Variants in MAP4 observed in about 807,000 individuals in gnomAD.
MAP4 encodes the protein microtubule associated protein 4.
Under a neutral mutation model 170.2 loss-of-function variants are expected in MAP4, and 76 were observed. The ratio of observed to expected loss-of-function variants is 0.45; its 90% CI spans 0.37 to 0.54. The LOEUF is 0.54. MAP4 is among the 20% of genes least tolerant of loss of function. The pLI, the probability that MAP4 is intolerant of heterozygous loss-of-function variation, is 0.00. For synonymous variants in MAP4, 909 were observed against 994.5 expected (o/e 0.91, Z 1.62); for missense variants, 2,506 against 2,748.0 (o/e 0.91, Z 1.97).
At chr3:47,996,661 C>T (rs9828277) in intron 2 of MAP4, among the ~76,000 whole-genome samples, 1 of 151,918 alleles carries the variant, frequency 6.6e-6, no homozygotes, top group Admixed American at 6.6e-5. Context: ...AGAGACATGC[C>T]TATTTCCAAC....
chr3:47,898,677 T>G (rs1265844025), intron 10 of MAP4, among the ~76,000 whole-genome samples: 1 of 152,124 alleles, frequency 6.6e-6, no homozygotes, highest in Non-Finnish European at 1.5e-5. Flanking sequence ...CTGGGCATAG[T>G]AGCCCACGCC....
chr3:48,085,687 C>T (rs539409737), intron 1 of MAP4, among the ~76,000 whole-genome samples: 15 of 151,996 alleles, frequency 9.9e-5, no homozygotes, highest in Non-Finnish European at 1.8e-4. Flanking sequence ...TCTGGGAGGC[C>T]GAGGTAGGTG....
intron 3 of MAP4, among the ~76,000 whole-genome samples, chr3:47,941,864 T>C (rs1264261423): frequency 6.6e-6 from 1 of 152,048 alleles, no homozygotes; most frequent in Non-Finnish European, 1.5e-5. Context: ...TACTTCTCAA[T>C]AAAAATATTG....
chr3:47,908,168 T>C (rs2100034111), intron 9 of MAP4, among the ~76,000 whole-genome samples: 1 of 147,432 alleles, frequency 6.8e-6, no homozygotes, highest in Non-Finnish European at 1.5e-5. Context: ...TTTTGAAAGC[T>C]AGATTCAGGG....
intron 1 of MAP4, among the ~76,000 whole-genome samples, chr3:48,000,665 G>A (rs921315565): frequency 2.0e-5 from 3 of 152,130 alleles, no homozygotes; most frequent in Admixed American, 1.3e-4. Flanking sequence ...CTAAGTGAGC[G>A]GCCTTCATCT....
chr3:47,968,311 G>A (rs1292873113), intron 3 of MAP4, among the ~76,000 whole-genome samples: 4 of 152,212 alleles, frequency 2.6e-5, no homozygotes, highest in Admixed American at 6.5e-5. Flanking sequence ...ATCAAGAGCC[G>A]AATATACATT....
rs201296820 is a variant in MAP4, at chr3:47,916,444, G to A, written c.1383C>T (p.Thr461=). The A allele has an allele frequency of 2.5e-6, 4 of 1,614,168 alleles. No homozygotes were observed. The South Asian group carries it at 4.4e-5, about 18-fold the overall frequency. Residue 461 remains threonine, a synonymous_variant, in exon 7 of 21, where the codon ACC becomes ACT. Coordinates refer to ENST00000683076, the MANE Select transcript of MAP4 (RefSeq NM_001385682.1). The part of the protein sequence containing the change: ...TLPPETNVIL[T]KDKALPLEAE... Reference sequence around the variant, plus strand: ...CTTCTAAAGGTAGTGCTTTATCCTTGGTCAAGATCACGTTGGTTTCCGGGG... The same window carrying A: ...CTTCTAAAGGTAGTGCTTTATCCTTAGTCAAGATCACGTTGGTTTCCGGGG...
intron 1 of MAP4, among the ~76,000 whole-genome samples, chr3:48,003,482 A>G (rs2100100506): frequency 6.6e-6 from 1 of 151,262 alleles, no homozygotes; most frequent in South Asian, 2.1e-4. Context: ...AACATATTAA[A>G]TTGTACAAAA....
upstream of MAP4, among the ~76,000 whole-genome samples, chr3:48,020,047 C>T (rs770698084): frequency 1.1e-4 from 17 of 152,030 alleles, no homozygotes; most frequent in Non-Finnish European, 1.8e-4. Flanking sequence ...GTTTTTGAGA[C>T]GGAGATTTTT....
At chr3:48,006,229 AC>A (rs1353932003) in intron 1 of MAP4, among the ~76,000 whole-genome samples, 1 of 131,406 alleles carries the variant, frequency 7.6e-6, no homozygotes, top group East Asian at 2.5e-4. Flanking sequence ...GAGGCCAGGT[AC>A]CCTTGAGAAA....
chr3:47,939,903 G>A (rs1030968328), intron 3 of MAP4, among the ~76,000 whole-genome samples: 1 of 151,702 alleles, frequency 6.6e-6, no homozygotes, highest in Admixed American at 6.6e-5. Context: ...GAGTGCAGTG[G>A]CATGATCTCC....
upstream of MAP4, among the ~76,000 whole-genome samples, chr3:48,018,027 A>AG (rs1253559744): frequency 5.9e-5 from 9 of 152,228 alleles, no homozygotes; most frequent in Non-Finnish European, 1.3e-4. Flanking sequence ...AGTTCACAAT[A>AG]GGGTTTGCGC....
intron 1 of MAP4, among the ~76,000 whole-genome samples, chr3:48,063,573 T>C (rs1322830420): frequency 6.6e-6 from 1 of 152,132 alleles, no homozygotes; most frequent in African/African-American, 2.4e-5. Context: ...TTATTCACAA[T>C]TGCCAAAACT....
chr3:48,040,640 T>C (rs1163486529), intron 1 of MAP4, among the ~76,000 whole-genome samples: 1 of 152,154 alleles, frequency 6.6e-6, no homozygotes, highest in Non-Finnish European at 1.5e-5. Context: ...CTCGGCTCAC[T>C]GCAGCCTCTG....
intron 4 of MAP4, among the ~76,000 whole-genome samples, chr3:47,926,027 T>A (rs1355413279): frequency 6.7e-6 from 1 of 149,164 alleles, no homozygotes; most frequent in Non-Finnish European, 1.5e-5. Context: ...GCTATTTTTT[T>A]ATATTTTTAG....
intron 1 of MAP4, among the ~76,000 whole-genome samples, chr3:48,051,021 G>A (rs2100127515): frequency 6.6e-6 from 1 of 151,676 alleles, no homozygotes; most frequent in Non-Finnish European, 1.5e-5. Context: ...ATGAGGGAAG[G>A]GAACACAAAC....
chr3:48,081,731 T>C (rs1287367447), intron 1 of MAP4, among the ~76,000 whole-genome samples: 2 of 152,060 alleles, frequency 1.3e-5, no homozygotes, highest in Admixed American at 6.6e-5. Flanking sequence ...TCAGTATATA[T>C]ATATATTACT....
chr3:47,899,059 A>G (rs889528736), intron 10 of MAP4, among the ~76,000 whole-genome samples: 7 of 152,208 alleles, frequency 4.6e-5, no homozygotes, highest in Non-Finnish European at 1.0e-4. Context: ...ATGCAGATTT[A>G]TCCACAGGAA....
intron 1 of MAP4, among the ~76,000 whole-genome samples, chr3:48,052,384 C>G (rs1485746626): frequency 6.6e-6 from 1 of 152,132 alleles, no homozygotes; most frequent in Non-Finnish European, 1.5e-5. Context: ...TCACACCCAG[C>G]TAACTTTTTG....
Sources: gnomAD v4.1 joint callset for allele counts (sites outside exome capture counted in the v4.1 genomes callset) on GRCh38, gnomAD v4.1.1 for gene constraint, MANE v1.5 for transcripts, NCBI Gene and HGNC (gene_info 2026-07-23, HGNC 2026-07-21) for gene names.